MICAL2: variants seen among roughly 807,000 people sequenced by gnomAD.
MICAL2 encodes the protein microtubule associated monooxygenase, calponin and LIM domain containing 2, also known as [F-actin]-monooxygenase MICAL2.
In MICAL2, 77 loss-of-function variants were observed where a neutral mutation model predicts 127.3. The observed-to-expected ratio is 0.60, with a 90% CI of 0.50 to 0.73. MICAL2 has a LOEUF of 0.73. MICAL2 is among the 30% of genes least tolerant of loss of function. MICAL2 has a pLI of 0.00. For missense variants in MICAL2, 1,351 were observed against 1,434.4 expected, an observed-to-expected ratio of 0.94 and a Z score of 0.94; for synonymous variants, 570 against 551.1, an observed-to-expected ratio of 1.03 and a Z score of -0.48.
Position 12,178,164 on chromosome 11 carries a change from C to T in MICAL2, c.264+15745C>T, listed in dbSNP as rs118037972. Among the ~76,000 whole-genome samples, 76 of 152,168 alleles carry T rather than the reference C, an allele frequency of 5.0e-4. No individual in the cohort carries two copies. The East Asian group carries it at 0.01, about 21-fold the overall frequency. ...TACATGATGAAGCTGCCATTAAGAC[C>T]CAAAAGGACTGGGTTCAGGGATCTT... On this transcript the variant is annotated intron_variant, in intron 3 of 27. Transcript: ENST00000683283.
At chr11:12,170,798 T>C (rs948303774) in intron 3 of MICAL2, among the ~76,000 whole-genome samples, 2 of 152,234 alleles carry the variant, frequency 1.3e-5, no homozygotes, top group African/African-American at 4.8e-5. Context: ...GCTATCTTGC[T>C]GATCAGTGCC....
At chr11:12,292,426 G>C, downstream of MICAL2, 1 of 1,010,602 alleles carries the variant, frequency 9.9e-7, no homozygotes. Context: ...AGCGCCAGAA[G>C]ATACTCTGTC....
chr11:12,193,049 C>A (rs1859414105), intron 3 of MICAL2, among the ~76,000 whole-genome samples: 2 of 152,148 alleles, frequency 1.3e-5, no homozygotes, highest in Non-Finnish European at 2.9e-5. Flanking sequence ...GTCTCAGGTC[C>A]CTCACTACAC....
chr11:12,181,037 G>A (rs1270616994), intron 3 of MICAL2, among the ~76,000 whole-genome samples: 1 of 148,630 alleles, frequency 6.7e-6, no homozygotes, highest in Non-Finnish European at 1.5e-5. Context: ...CCACCCCTGG[G>A]GGTTCAAGCG....
At chr11:12,198,607 A>G (rs1860251374) in intron 3 of MICAL2, among the ~76,000 whole-genome samples, 2 of 152,138 alleles carry the variant, frequency 1.3e-5, no homozygotes. Context: ...GAGCCACACC[A>G]GGAAGTATGG....
rs765722944 is a variant in MICAL2, at chr11:12,204,370, C to A, written c.385C>A (p.Leu129Ile). Reference protein sequence around the residue: ...DSFSRNNVLHLWPFTIHDLRG... With the variant: ...DSFSRNNVLHIWPFTIHDLRG... Reference sequence around the variant, plus strand: ...CTTCTCCCGGAACAACGTGCTACACCTCTGGCCTTTCACCATCCATGACCT... The same window carrying A: ...CTTCTCCCGGAACAACGTGCTACACATCTGGCCTTTCACCATCCATGACCT... Residue 129 changes from leucine to isoleucine, a missense_variant, in exon 4 of 28, where the codon CTC (leucine) becomes ATC (isoleucine). Physicochemically the swap from Leu to Ile is conservative, Grantham distance 5. This residue lies in a region of MICAL2 where 599 missense variants were observed against 714.9 expected (regional missense o/e 0.84). Coordinates refer to ENST00000683283, the MANE Select transcript of MICAL2 (RefSeq NM_001282663.2). 1 of 1,612,452 alleles carries A rather than the reference C, an allele frequency of 6.2e-7. No individual in the cohort carries two copies. Among genetic ancestry groups the A allele is most frequent in the Non-Finnish European group, 8.5e-7 (1 of 1,178,884 alleles).
At chr11:12,251,757 G>C (rs1396874761) in intron 22 of MICAL2, among the ~76,000 whole-genome samples, 1 of 152,124 alleles carries the variant, frequency 6.6e-6, no homozygotes, top group Non-Finnish European at 1.5e-5. Context: ...CAATGGAGCA[G>C]CTCTGCAGCT....
intron 3 of MICAL2, among the ~76,000 whole-genome samples, chr11:12,163,372 A>G (rs898535117): frequency 1.3e-5 from 2 of 152,222 alleles, no homozygotes; most frequent in African/African-American, 4.8e-5. Flanking sequence ...TAGCTCAGCT[A>G]GAACCCTAGG....
chr11:12,262,497 G>A lies in MICAL2; in HGVS notation c.3352G>A (p.Val1118Met). 6.2e-6 allele frequency: 10 copies of A among 1,613,748 alleles called. No individual in the cohort carries two copies. The highest frequency in any genetic ancestry group is 8.5e-6 in the Non-Finnish European group (10 of 1,179,950). ...GSPPVHFSLP[V>M]LHPLLG is the part of the protein sequence containing the mutation. ...GCCATCAGTTCATTTCAGCCTTCCA[G>A]TGCTACACCCACTTCTTGGCTGACA... is the stretch of plus-strand genomic sequence containing the variant. Residue 1118 changes from valine (V) to methionine (M), a missense_variant, in exon 27 of 28, where the codon GTG becomes ATG. Physicochemically the swap from Val to Met is conservative, Grantham distance 21 (BLOSUM62 1). Transcript: ENST00000683283.
intron 1 of MICAL2, among the ~76,000 whole-genome samples, chr11:12,136,922 G>T (rs1189475982): frequency 6.6e-6 from 1 of 152,172 alleles, no homozygotes; most frequent in Non-Finnish European, 1.5e-5. Context: ...AGGGACTTCT[G>T]TTCCTGAGAT....
intron 29 of MICAL2, among the ~76,000 whole-genome samples, chr11:12,311,396 T>A (rs1864172443): frequency 2.0e-5 from 3 of 150,600 alleles, no homozygotes; most frequent in African/African-American, 7.3e-5. Flanking sequence ...TGTTGTTGGT[T>A]TCTTATTTAT....
chr11:12,352,746 A>C (rs1281007230), intron 33 of MICAL2, among the ~76,000 whole-genome samples: 1 of 152,190 alleles, frequency 6.6e-6, no homozygotes, highest in African/African-American at 2.4e-5. Context: ...AGCAGGAGGA[A>C]GTGAGAAGTC....
chr11:12,323,991 T>A (rs1864328770), exon 31 of MICAL2: 2 of 1,609,876 alleles, frequency 1.2e-6, no homozygotes, highest in African/African-American at 2.7e-5. Context: ...AAGAAGACAC[T>A]TAGAAGAAGA....
intron 26 of MICAL2, chr11:12,262,044 T>C: frequency 9.4e-7 from 1 of 1,058,426 alleles, no homozygotes; most frequent in Non-Finnish European, 1.1e-6. Context: ...AGGAGACTGG[T>C]TTGAATTACT....
At chr11:12,338,147 G>A (rs1231700051) in intron 32 of MICAL2, among the ~76,000 whole-genome samples, 1 of 152,120 alleles carries the variant, frequency 6.6e-6, no homozygotes, top group East Asian at 1.9e-4. Context: ...CCTGTATTGG[G>A]TGCATATATA....
intron 30 of MICAL2, among the ~76,000 whole-genome samples, chr11:12,323,257 C>T (rs187189368): frequency 6.6e-6 from 1 of 152,270 alleles, no homozygotes; most frequent in East Asian, 1.9e-4. Flanking sequence ...CACCCAGTGA[C>T]AGTAATGCTA....
intron 2 of MICAL2, among the ~76,000 whole-genome samples, chr11:12,143,903 G>A (rs1565029912): frequency 6.6e-6 from 1 of 152,160 alleles, no homozygotes; most frequent in Non-Finnish European, 1.5e-5. Context: ...AAAAATATCA[G>A]ATCATTAGAG....
intron 22 of MICAL2, chr11:12,255,342 A>T: frequency 2.6e-6 from 1 of 379,138 alleles, no homozygotes; most frequent in East Asian, 5.2e-5. Context: ...TACCCACTAA[A>T]CAACAGCAAC....
At chr11:12,252,244 AG>A (rs1861645179) in intron 22 of MICAL2, among the ~76,000 whole-genome samples, 2 of 152,352 alleles carry the variant, frequency 1.3e-5, no homozygotes, top group East Asian at 3.9e-4. Flanking sequence ...TCTTGGAAGC[AG>A]GGGCTAAATT....
Sources: gnomAD v4.1 joint callset for allele counts (sites outside exome capture counted in the v4.1 genomes callset) on GRCh38, gnomAD v4.1.1 for gene constraint, gnomAD v4.1.1 regional missense constraint, MANE v1.5 for transcripts, NCBI Gene and HGNC (gene_info 2026-07-23, HGNC 2026-07-21) for gene names.